LRRC3C: variants seen among roughly 807,000 people sequenced by gnomAD.
LRRC3C encodes leucine rich repeat containing 3C.
Under a neutral mutation model 14.8 loss-of-function variants are expected in LRRC3C, and 11 were observed. That is an observed-to-expected ratio of 0.74 (90% CI 0.47 to 1.23). The LOEUF is 1.23. Ranked by LOEUF, LRRC3C falls within the 50% of genes most tolerant of loss-of-function variation. The pLI is 0.00. For synonymous variants in LRRC3C, 149 were observed against 161.5 expected (o/e 0.92, Z 0.59); for missense variants, 354 against 361.8 (o/e 0.98, Z 0.18).
At chr17:39,936,654 A>C (rs1281820063) in intron 2 of LRRC3C, among the ~76,000 whole-genome samples, 2 of 105,730 alleles carry the variant, frequency 1.9e-5, no homozygotes, top group Non-Finnish European at 4.1e-5. Context: ...AAATACAAAA[A>C]AAAAAAAAAA....
At chr17:39,937,670 G>A (rs575540606) in intron 2 of LRRC3C, among the ~76,000 whole-genome samples, 1 of 152,132 alleles carries the variant, frequency 6.6e-6, no homozygotes, top group Non-Finnish European at 1.5e-5. Flanking sequence ...GATTAACCCA[G>A]CCTTGAAAGC....
intron 3 of LRRC3C, 85 bp from the exon 4 acceptor site, chr17:39,943,848 G>C (rs918351560): frequency 3.7e-5 from 52 of 1,399,904 alleles, no homozygotes; most frequent in Non-Finnish European, 2.2e-5. Flanking sequence ...AGACTCCCCA[G>C]AGGGACCTCG....
Position 39,944,481 on chromosome 17 carries a change from G to C in LRRC3C, c.575G>C (p.Arg192Pro). The C allele has an allele frequency of 6.7e-7, 1 of 1,487,444 alleles. No homozygotes were observed. Among genetic ancestry groups the C allele is most frequent in the Non-Finnish European group, 8.9e-7 (1 of 1,120,722 alleles). The allele number at this position is 1,487,444 out of a possible 1,614,324, so 92.1% of individuals were successfully genotyped here. Residue 192 changes from arginine to proline, a missense_variant, in exon 4 of 4, where the codon CGA (arginine) becomes CCA (proline). Arg to Pro is a moderately radical substitution (Grantham distance 103, BLOSUM62 -2). Coordinates refer to ENST00000377924, the MANE Select transcript of LRRC3C (RefSeq NM_001195545.2). ...GGCATCGTGTGTGGCTCAGGAGCCC[G>C]ACCGGACCTCGTGGGGCAGGAGTTC... ...GTGIVCGSGA[R>P]PDLVGQEFLL...
chr17:39,937,639 G>C (rs1473975717), intron 2 of LRRC3C, among the ~76,000 whole-genome samples: 1 of 152,120 alleles, frequency 6.6e-6, no homozygotes, highest in African/African-American at 2.4e-5. Flanking sequence ...CCTTGCTCTT[G>C]CACATTCTGC....
At chr17:39,930,085 C>T (rs903624137) in intron 1 of LRRC3C, among the ~76,000 whole-genome samples, 1 of 151,458 alleles carries the variant, frequency 6.6e-6, no homozygotes, top group Admixed American at 6.6e-5. Flanking sequence ...TCGAGACCAA[C>T]CTGGACAACA....
At chr17:39,936,296 G>C (rs904584521) in intron 2 of LRRC3C, among the ~76,000 whole-genome samples, 1 of 152,210 alleles carries the variant, frequency 6.6e-6, no homozygotes, top group Non-Finnish European at 1.5e-5. Flanking sequence ...AACATCTGCT[G>C]GTCTTGGGCC....
At chr17:39,932,842 A>G (rs1205838282) in intron 1 of LRRC3C, among the ~76,000 whole-genome samples, 4 of 152,074 alleles carry the variant, frequency 2.6e-5, no homozygotes, top group East Asian at 1.9e-4. Flanking sequence ...ATCTGAGGTC[A>G]GGAGTTCGAG....
rs560984618 is a variant in LRRC3C at position 39,934,439 on chromosome 17, G to C, written c.-174-1363G>C. Among the ~76,000 whole-genome samples the C allele has an allele frequency of 3.6e-4, 55 of 152,266 alleles. No homozygotes were observed. In the South Asian group the frequency reaches 6.2e-3, roughly 17 times the overall value. ...GAAATCTGGGTGGCCACCGTTCCCA[G>C]ATCACCTTCTTCTGCCTAAGGCCAG... On this transcript the variant is annotated intron_variant, in intron 1 of 3. Transcript: ENST00000377924.
intron 1 of LRRC3C, among the ~76,000 whole-genome samples, chr17:39,933,546 A>G (rs1001335386): frequency 1.3e-5 from 2 of 152,140 alleles, no homozygotes; most frequent in Non-Finnish European, 2.9e-5. Context: ...CATCCTGGCT[A>G]ACACAGTGAA....
chr17:39,933,653 A>T (rs1978715189), intron 1 of LRRC3C, among the ~76,000 whole-genome samples: 1 of 152,122 alleles, frequency 6.6e-6, no homozygotes, highest in South Asian at 2.1e-4. Context: ...GAATGGCGTG[A>T]ACCCGGGAGG....
At chr17:39,932,080 G>A (rs1978665138) in intron 1 of LRRC3C, among the ~76,000 whole-genome samples, 3 of 152,282 alleles carry the variant, frequency 2.0e-5, no homozygotes, top group African/African-American at 7.2e-5. Context: ...GACTGCCAGG[G>A]TTCAACTCGC....
At chr17:39,939,258 A>T (rs1978879108) in intron 2 of LRRC3C, 4 of 666,368 alleles carry the variant, frequency 6.0e-6, no homozygotes, top group Admixed American at 6.3e-5. Context: ...TCCCAAAGCC[A>T]TGTGTGTTAA....
chr17:39,941,419 A>C, intron 2 of LRRC3C, 24 bp from the exon 3 acceptor site: 8 of 732,328 alleles, frequency 1.1e-5, no homozygotes, highest in Non-Finnish European at 1.3e-5. Context: ...CCCCACACAC[A>C]CCCCATTTTT....
rs751842501 is a variant in LRRC3C, at chr17:39,944,087, C to T, written c.181C>T (p.Arg61Trp). The T allele has an allele frequency of 7.6e-5, 117 of 1,535,952 alleles. No homozygotes were observed. Among genetic ancestry groups the T allele is most frequent in the Middle Eastern group, 1.7e-4 (1 of 6,010 alleles). Residue 61 changes from arginine to tryptophan, a missense_variant, in exon 4 of 4, where the codon CGG becomes TGG. Physicochemically the swap from Arg to Trp is moderately radical, Grantham distance 101. Coordinates refer to ENST00000377924, the MANE Select transcript of LRRC3C (RefSeq NM_001195545.2). ...TTATGTGGCAAAGGAAGCAGGTGAA[C>T]GGACGTTCCGCTGCAGCCAGGCAGG... ...GCYVAKEAGE[R>W]TFRCSQAGLS...
rs1297234724 is a variant in LRRC3C, at chr17:39,944,530, G to A, written c.624G>A (p.Glu208=). Residue 208 remains glutamate (E), a synonymous_variant, in exon 4 of 4, where the codon GAG becomes GAA. Coordinates refer to ENST00000377924, the MANE Select transcript of LRRC3C (RefSeq NM_001195545.2). The stretch of plus-strand genomic sequence containing the variant: ...TCCTGCTGCTGGCAGGGGAGGAAGA[G>A]CTGTGTGGGTCGGGGTGGGGTGGGG... ...QEFLLLAGEE[E]LCGSGWGGAR... 8.0e-6 allele frequency: 12 copies of A among 1,505,610 alleles called. No individual in the cohort carries two copies. Among genetic ancestry groups the A allele is most frequent in the Admixed American group, 2.1e-5 (1 of 48,768 alleles). The allele number at this position is 1,505,610 out of a possible 1,614,324, so 93.3% of individuals were successfully genotyped here.
chr17:39,927,857 T>C, intron 1 of LRRC3C, 43 bp downstream of exon 1: 3 of 985,644 alleles, frequency 3.0e-6, no homozygotes, highest in Non-Finnish European at 3.6e-6. Context: ...CCTTCAAGTG[T>C]ATTTTATCCG....
intron 1 of LRRC3C, chr17:39,934,715 A>G (rs1397911541): frequency 1.3e-5 from 2 of 152,246 alleles, no homozygotes; most frequent in African/African-American, 4.8e-5. Context: ...CACGCAAGAA[A>G]GAATTCAGGG....
rs1598295125 is a variant in LRRC3C, at chr17:39,941,699, G to A, written c.26+150G>A. The stretch of plus-strand genomic sequence containing the variant: ...GTGCAAGGATGTAGGGTATTGGTAT[G>A]TGTGGCAGAGAGGCACAGAGGTAAG... On this transcript the variant is annotated intron_variant, in intron 3 of 3. Coordinates refer to ENST00000377924, the MANE Select transcript of LRRC3C (RefSeq NM_001195545.2). 1.5e-5 allele frequency: 10 copies of A among 664,210 alleles called. No homozygotes were observed. The South Asian group carries it at 1.6e-4, about 11-fold the overall frequency. 41.1% of individuals were successfully genotyped at this position (664,210 alleles called of 1,614,324 possible).
rs1405934751 is a variant in LRRC3C, at chr17:39,944,656, G to A, written c.750G>A (p.Glu250=). The part of the protein sequence containing the change: ...LVHYVWQNRD[E]TRRSLKRAPV... ...ATTATGTGTGGCAGAACCGAGATGA[G>A]ACCAGGCGCTCCCTCAAGCGGGCCC... Residue 250 remains glutamate, a synonymous_variant, in exon 4 of 4, where the codon GAG becomes GAA. Coordinates refer to ENST00000377924, the MANE Select transcript of LRRC3C (RefSeq NM_001195545.2). 2.6e-6 allele frequency: 4 copies of A among 1,535,888 alleles called. No individual in the cohort carries two copies. The highest frequency in any genetic ancestry group is 3.5e-6 in the Non-Finnish European group (4 of 1,146,898).
Sources: allele counts gnomAD v4.1 joint callset (sites outside exome capture counted in the v4.1 genomes callset), GRCh38; gene constraint gnomAD v4.1.1; transcripts MANE v1.5; gene names NCBI Gene and HGNC (gene_info 2026-07-23, HGNC 2026-07-21).